Variants in NPLOC4 observed in about 807,000 individuals in gnomAD.
NPLOC4 encodes the protein NPL4 homolog, ubiquitin recognition factor.
Under a neutral mutation model 80.6 loss-of-function variants are expected in NPLOC4, and 18 were observed. The ratio of observed to expected loss-of-function variants is 0.22; its 90% CI spans 0.15 to 0.33. The LOEUF (loss-of-function observed/expected upper bound fraction) is 0.33, where lower values mean the gene tolerates loss of function less well. Ranked by LOEUF, NPLOC4 falls within the 10% of genes least tolerant of loss-of-function variation. NPLOC4 has a pLI of 1.00. For synonymous variants in NPLOC4, 313 were observed against 301.5 expected (o/e 1.04, Z -0.39); for missense variants, 540 against 786.1 (o/e 0.69, Z 3.74).
At chr17:81,623,243 AG>A (rs2035711492) in intron 2 of NPLOC4, among the ~76,000 whole-genome samples, 1 of 151,656 alleles carries the variant, frequency 6.6e-6, no homozygotes, top group Admixed American at 6.6e-5. Flanking sequence ...AGGCCAAAGC[AG>A]GTGGATCACG....
At chr17:81,634,722 A>G (rs1057447767) in intron 1 of NPLOC4, among the ~76,000 whole-genome samples, 9 of 151,806 alleles carry the variant, frequency 5.9e-5, no homozygotes, top group Non-Finnish European at 8.8e-5. Flanking sequence ...AGTAGCTGGG[A>G]TAACAGGTGC....
intron 16 of NPLOC4, chr17:81,563,750 A>G: frequency 2.8e-6 from 1 of 351,700 alleles, no homozygotes; most frequent in Non-Finnish European, 5.6e-6. Flanking sequence ...CCTCATTGAT[A>G]CAAAAATATT....
intron 12 of NPLOC4, among the ~76,000 whole-genome samples, chr17:81,574,331 G>C (rs1258057361): frequency 6.6e-6 from 1 of 151,948 alleles, no homozygotes; most frequent in Non-Finnish European, 1.5e-5. Flanking sequence ...CTACCCAACT[G>C]CATCTTTTCC....
In NPLOC4 at chr17:81,560,239, G is replaced by A. The variant is rs182459574; in HGVS notation, c.1670-823C>T. Among the ~76,000 whole-genome samples the A allele has an allele frequency of 8.6e-3, 1,293 of 150,886 alleles. 16 individuals carry two copies. Among genetic ancestry groups the A allele is most frequent in the African/African-American group, 0.023 (949 of 41,062 alleles). ...TTGAGACCAGCCTGGCCAACATGGC[G>A]AAACCCGGTCTCTACTAAAAATAAT... is the stretch of plus-strand genomic sequence containing the variant. On this transcript the variant is annotated intron_variant, in intron 16 of 16. Transcript: ENST00000331134.
intron 6 of NPLOC4, among the ~76,000 whole-genome samples, chr17:81,608,353 G>T (rs2035257126): frequency 6.6e-6 from 1 of 152,238 alleles, no homozygotes; most frequent in Non-Finnish European, 1.5e-5. Flanking sequence ...GCCTCTGTCT[G>T]ATACTGCACT....
chr17:81,581,179 G>C lies in NPLOC4; in HGVS notation c.1281+7765C>G, dbSNP rs568996794. 5.3e-5 allele frequency among the ~76,000 whole-genome samples: 8 copies of C among 151,990 alleles called. No individual in the cohort carries two copies. The South Asian group carries it at 1.7e-3, about 32-fold the overall frequency. ...AGCCTGGCCAACATGGCGAAACCCT[G>C]TCGCTACTAAAAATACAAAAAAATT... On this transcript the variant is annotated intron_variant, in intron 12 of 16. Coordinates refer to ENST00000331134, the MANE Select transcript of NPLOC4 (RefSeq NM_017921.4).
intron 1 of NPLOC4, among the ~76,000 whole-genome samples, chr17:81,630,810 G>A (rs918118605): frequency 1.3e-5 from 2 of 152,096 alleles, no homozygotes; most frequent in African/African-American, 4.8e-5. Flanking sequence ...CAGGGAGGTC[G>A]AGGCTACAGT....
chr17:81,573,431 A>G (rs1194022324), intron 12 of NPLOC4: 4 of 152,048 alleles, frequency 2.6e-5, no homozygotes, highest in Non-Finnish European at 5.9e-5. Context: ...TACCCTAATG[A>G]GAAGCCCCAG....
Position 81,565,370 on chromosome 17 carries a change from G to T in NPLOC4, c.1669+135C>A, listed in dbSNP as rs571979295. On this transcript the variant is annotated intron_variant, in intron 16 of 16. Coordinates refer to ENST00000331134, the MANE Select transcript of NPLOC4 (RefSeq NM_017921.4). Reference sequence around the variant, plus strand: ...CAGGGAGGCCGAGTCTCTACTCGTTGCATTGCCGATGGCACCTGCCAGGAT... The same window carrying T: ...CAGGGAGGCCGAGTCTCTACTCGTTTCATTGCCGATGGCACCTGCCAGGAT... 9 of 785,518 alleles carry T rather than the reference G, an allele frequency of 1.1e-5. No homozygotes were observed. In the African/African-American group the frequency reaches 1.2e-4, roughly 10 times the overall value. The allele number at this position is 785,518 out of a possible 1,614,324, so 48.7% of individuals were successfully genotyped here.
At chr17:81,614,781 G>C (rs1320132209) in intron 3 of NPLOC4, among the ~76,000 whole-genome samples, 1 of 152,108 alleles carries the variant, frequency 6.6e-6, no homozygotes, top group East Asian at 1.9e-4. Flanking sequence ...AGCCGCCTGG[G>C]GTCCCAAGTG....
intron 16 of NPLOC4, chr17:81,564,109 C>CAG: frequency 3.0e-6 from 1 of 334,554 alleles, no homozygotes; most frequent in South Asian, 2.2e-5. Context: ...CACACACACA[C>CAG]ACACACACAA....
chr17:81,586,472 A>G (rs1367084076), intron 12 of NPLOC4, among the ~76,000 whole-genome samples: 1 of 151,958 alleles, frequency 6.6e-6, no homozygotes, highest in Non-Finnish European at 1.5e-5. Flanking sequence ...TTAGCCGGGC[A>G]GGTGGCACAC....
chr17:81,566,082 C>T (rs2034003511), intron 15 of NPLOC4, among the ~76,000 whole-genome samples: 1 of 152,200 alleles, frequency 6.6e-6, no homozygotes, highest in Admixed American at 6.5e-5. Context: ...GCCTGTAATC[C>T]CAACACTTTC....
In NPLOC4 at chr17:81,633,238, A is replaced by C. The variant is rs139409281; in HGVS notation, c.16-3433T>G. 1.4e-3 allele frequency among the ~76,000 whole-genome samples: 212 copies of C among 152,258 alleles called. 1 individual carries two copies. Among genetic ancestry groups the C allele is most frequent in the Non-Finnish European group, 2.7e-3 (185 of 68,022 alleles). On this transcript the variant is annotated intron_variant, in intron 1 of 16. Transcript: ENST00000331134. ...AAACGTTTTCACAATATATAGCATT[A>C]GGTAAATACTTCCACTTATTTGTTT...
Position 81,559,107 on chromosome 17 carries a change from G to T in NPLOC4, c.*152C>A. ...TCTCCAGGGAGGAACGTGCTGAGAA[G>T]CTTCAGTGGGTCAGGGAGCCCAGGA... is the stretch of plus-strand genomic sequence containing the variant. On this transcript the variant is annotated 3_prime_UTR_variant, in exon 17 of 17. Coordinates refer to ENST00000331134, the MANE Select transcript of NPLOC4 (RefSeq NM_017921.4). 1 of 830,712 alleles carries T rather than the reference G, an allele frequency of 1.2e-6. No homozygotes were observed. The highest frequency in any genetic ancestry group is 1.8e-6 in the Non-Finnish European group (1 of 550,212). The allele number at this position is 830,712 out of a possible 1,614,324, so 51.5% of individuals were successfully genotyped here. A position where few individuals can be genotyped will look rare whatever the true frequency, so the allele number is the denominator to read the frequency against.
intron 10 of NPLOC4, 58 bp downstream of exon 10, chr17:81,597,187 C>A: frequency 6.2e-6 from 8 of 1,285,810 alleles, no homozygotes; most frequent in Non-Finnish European, 7.9e-6. Context: ...ATAATGCAGG[C>A]CAACACCATC....
chr17:81,615,859 C>A (rs1040721673), intron 3 of NPLOC4, among the ~76,000 whole-genome samples: 7 of 152,230 alleles, frequency 4.6e-5, no homozygotes, highest in African/African-American at 1.4e-4. Context: ...AAAGTCACCT[C>A]TGAGACTCTG....
rs559205533 is a variant in NPLOC4 at position 81,595,097 on chromosome 17, T to C, written c.1120+1019A>G. The stretch of plus-strand genomic sequence containing the variant: ...TTTTTGTAGAGATGGGGACTTGCCA[T>C]GTTGCCCAGGCTGGTCTCAAACTCC... On this transcript the variant is annotated intron_variant, in intron 11 of 16. Coordinates refer to ENST00000331134, the MANE Select transcript of NPLOC4 (RefSeq NM_017921.4). Among the ~76,000 whole-genome samples the C allele has an allele frequency of 2.6e-5, 4 of 152,272 alleles. No homozygotes were observed. The South Asian group carries it at 6.2e-4, about 24-fold the overall frequency.
chr17:81,565,649 A>G (rs1403204480), intron 15 of NPLOC4, 42 bp from the exon 16 acceptor site: 2 of 1,421,808 alleles, frequency 1.4e-6, no homozygotes. Context: ...GCTGTGCCTA[A>G]GGTGAGCAGC....
Sources: gnomAD v4.1 joint callset for allele counts (sites outside exome capture counted in the v4.1 genomes callset) on GRCh38, gnomAD v4.1.1 for gene constraint, MANE v1.5 for transcripts, NCBI Gene and HGNC (gene_info 2026-07-23, HGNC 2026-07-21) for gene names.